The following STX18 variants were observed in gnomAD, a reference collection of about 807,000 sequenced individuals.
STX18 encodes the protein syntaxin-18.
Under a neutral mutation model 50.1 loss-of-function variants are expected in STX18, and 40 were observed. That is an observed-to-expected ratio of 0.80 (90% CI 0.62 to 1.04). The LOEUF is 1.04. STX18 is among the 50% of genes least tolerant of loss of function. The probability of loss-of-function intolerance (pLI) is 0.00; values close to 1 mark genes in which losing one functional copy is unlikely to be tolerated. For synonymous variants in STX18, 158 were observed against 151.8 expected (o/e 1.04, Z -0.30); for missense variants, 410 against 415.8 (o/e 0.99, Z 0.12).
rs772981481 is a variant in STX18 at position 4,457,505 on chromosome 4, A to G, written c.353-5T>C. ...GGGAATGTATCTCCTTGTGAGCTGT[A>G]ACAGAAAAAGACAATGTTCAGGCCT... is the stretch of plus-strand genomic sequence containing the variant. On this transcript the variant is annotated splice_polypyrimidine_tract_variant and splice_region_variant and intron_variant, in intron 3 of 10. Coordinates refer to ENST00000306200, the MANE Select transcript of STX18 (RefSeq NM_016930.4). 6 of 1,613,010 alleles carry G rather than the reference A, an allele frequency of 3.7e-6. No homozygotes were observed. The East Asian group carries it at 1.3e-4, about 36-fold the overall frequency.
chr4:4,523,472 C>T (rs1178387105), intron 1 of STX18, among the ~76,000 whole-genome samples: 1 of 152,180 alleles, frequency 6.6e-6, no homozygotes, highest in Non-Finnish European at 1.5e-5. Context: ...GCCTGGGAAA[C>T]GTGTCCCTTG....
At chr4:4,529,387 A>G (rs1456362088) in intron 1 of STX18, among the ~76,000 whole-genome samples, 1 of 152,220 alleles carries the variant, frequency 6.6e-6, no homozygotes, top group Non-Finnish European at 1.5e-5. Flanking sequence ...CACGGTCACA[A>G]GGTAATTGTT....
chr4:4,484,886 T>C (rs947680326), intron 1 of STX18, among the ~76,000 whole-genome samples: 2 of 152,184 alleles, frequency 1.3e-5, no homozygotes, highest in Non-Finnish European at 2.9e-5. Flanking sequence ...AGACCCAGCA[T>C]GGGCCAGGCA....
intron 1 of STX18, among the ~76,000 whole-genome samples, chr4:4,506,412 C>T (rs879772941): frequency 4.6e-5 from 7 of 152,158 alleles, no homozygotes; most frequent in South Asian, 4.2e-4. Context: ...GGCATTATGC[C>T]GACTAAAAGA....
At chr4:4,438,284 T>C in intron 6 of STX18, 110 bp downstream of exon 6, 1 of 856,084 alleles carries the variant, frequency 1.2e-6, no homozygotes, top group Non-Finnish European at 1.8e-6. Context: ...TTTATGCAAA[T>C]ACAAACACCA....
At chr4:4,444,791 T>A (rs1222998586) in intron 5 of STX18, among the ~76,000 whole-genome samples, 1 of 152,028 alleles carries the variant, frequency 6.6e-6, no homozygotes, top group Non-Finnish European at 1.5e-5. Context: ...GATATACACA[T>A]AAAAAAATGA....
Position 4,419,995 on chromosome 4 carries a change from G to A in STX18, c.*39C>T. On this transcript the variant is annotated 3_prime_UTR_variant, in exon 11 of 11. Coordinates refer to ENST00000306200, the MANE Select transcript of STX18 (RefSeq NM_016930.4). ...ACATGAAAGCACGCAGTCTGTGAGT[G>A]CCCATGAGGACTCTCGTGCTGGGCC... 1.3e-6 allele frequency: 2 copies of A among 1,539,232 alleles called. No homozygotes were observed. Among genetic ancestry groups the A allele is most frequent in the Non-Finnish European group, 1.8e-6 (2 of 1,125,150 alleles).
rs150142371 is a variant in STX18, at chr4:4,487,111, TCAA to T, written c.169-15408_169-15406del. On this transcript the variant is annotated intron_variant, in intron 1 of 10. Coordinates refer to ENST00000306200, the MANE Select transcript of STX18 (RefSeq NM_016930.4). ...AAGTGCCTCTGATTGTAAACACTGT[TCAA>T]CACACACACACACACGAGACACACG... Among the ~76,000 whole-genome samples the T allele has an allele frequency of 3.2e-3, 489 of 152,140 alleles. 1 individual carries two copies. Among genetic ancestry groups the T allele is most frequent in the African/African-American group, 0.011 (454 of 41,456 alleles).
At position 4,541,905 on chromosome 4, in the gene STX18, G is replaced by C. The variant is rs1394594114; in HGVS notation, c.60C>G (p.Asn20Lys). ...RASVKTVKTRNKALGVAVGGG... is the reference protein window; with the variant it reads ...RASVKTVKTRKKALGVAVGGG... ...CGCCCACCGCCACTCCCAGCGCCTT[G>C]TTCCGCGTCTTCACGGTCTTGACGC... is the stretch of plus-strand genomic sequence containing the variant. The change falls in exon 1 of 11, where the codon AAC (asparagine) becomes AAG (lysine). Residue 20 changes from asparagine (N) to lysine (K), a missense_variant. Transcript: ENST00000306200. 3.7e-6 allele frequency: 6 copies of C among 1,610,942 alleles called. No individual in the cohort carries two copies. The highest frequency in any genetic ancestry group is 5.1e-6 in the Non-Finnish European group (6 of 1,179,052).
chr4:4,420,584 G>A lies in STX18; in HGVS notation c.912+280C>T. 2.1e-6 allele frequency: 1 copy of A among 479,960 alleles called. No homozygotes were observed. 29.7% of individuals were successfully genotyped at this position (479,960 alleles called of 1,614,324 possible). A position where few individuals can be genotyped will look rare whatever the true frequency, so the allele number is the denominator to read the frequency against. On this transcript the variant is annotated intron_variant, in intron 10 of 10. Transcript: ENST00000306200. This position sits in a 1 kb window ranked among gnomAD's most constrained non-coding sequence, Gnocchi z 4.3. ...AACGAGCTACCCATGTACATCCCTG[G>A]ACATGAAGAGCTGGCCTGACCCTGC...
intron 5 of STX18, among the ~76,000 whole-genome samples, chr4:4,443,481 T>C (rs1171098309): frequency 6.6e-6 from 1 of 152,172 alleles, no homozygotes; most frequent in Non-Finnish European, 1.5e-5. Context: ...TTCCCTAGGA[T>C]GAGGAACAAC....
chr4:4,423,563 C>G lies in STX18; in HGVS notation c.786G>C (p.Glu262Asp), dbSNP rs112848855. 6.2e-7 allele frequency: 1 copy of G among 1,614,090 alleles called. No individual in the cohort carries two copies. Among genetic ancestry groups the G allele is most frequent in the Admixed American group, 1.7e-5 (1 of 60,006 alleles). ...EVRQIEGRVV[E>D]ISRLQEIFTE... ...TGAATATCTCTTGGAGTCTGGAAAT[C>G]TCAACCACTCTCCCTTCGATTTGCC... The change falls in exon 9 of 11, where the codon GAG becomes GAC. Residue 262 changes from glutamate to aspartate, a missense_variant. Coordinates refer to ENST00000306200, the MANE Select transcript of STX18 (RefSeq NM_016930.4).
chr4:4,510,804 C>T lies in STX18; in HGVS notation c.168+30993G>A, dbSNP rs181740450. 5.9e-5 allele frequency among the ~76,000 whole-genome samples: 9 copies of T among 152,254 alleles called. No individual in the cohort carries two copies. In the East Asian group the frequency reaches 7.7e-4, roughly 13 times the overall value. On this transcript the variant is annotated intron_variant, in intron 1 of 10. Coordinates refer to ENST00000306200, the MANE Select transcript of STX18 (RefSeq NM_016930.4). Reference sequence around the variant, plus strand: ...TAAAGCAAATGTGGCACATATACACCGTGGAATACTATGCAACCATAAAAA... The same window carrying T: ...TAAAGCAAATGTGGCACATATACACTGTGGAATACTATGCAACCATAAAAA...
At chr4:4,443,134 C>T (rs1726209892) in intron 5 of STX18, among the ~76,000 whole-genome samples, 2 of 152,348 alleles carry the variant, frequency 1.3e-5, no homozygotes, top group South Asian at 2.1e-4. Flanking sequence ...TGCAAATTAA[C>T]ATGTATTTAA....
rs376544825 is a variant in STX18, at chr4:4,433,472, A to G, written c.702+1298T>C. Among the ~76,000 whole-genome samples the G allele has an allele frequency of 1.1e-4, 16 of 150,724 alleles. No homozygotes were observed. In the East Asian group the frequency reaches 1.8e-3, roughly 16 times the overall value. ...CTGACCTTCCCTCCACTATTGTCCT[A>G]TGACCCTGCCAAATACCCCTCTGCG... On this transcript the variant is annotated intron_variant, in intron 7 of 10. Transcript: ENST00000306200.
chr4:4,506,912 A>G (rs1729735287), intron 1 of STX18, among the ~76,000 whole-genome samples: 1 of 152,216 alleles, frequency 6.6e-6, no homozygotes, highest in African/African-American at 2.4e-5. Flanking sequence ...GAAACTGGAA[A>G]ATTAAACTGT....
intron 1 of STX18, among the ~76,000 whole-genome samples, chr4:4,539,225 C>G (rs1243989311): frequency 1.3e-5 from 2 of 152,174 alleles, no homozygotes; most frequent in Non-Finnish European, 2.9e-5. Context: ...ACAGCAAATG[C>G]TTCAAGGAAG....
At chr4:4,432,492 G>A (rs1725567043) in intron 7 of STX18, among the ~76,000 whole-genome samples, 3 of 152,216 alleles carry the variant, frequency 2.0e-5, no homozygotes, top group African/African-American at 7.2e-5. Flanking sequence ...AAGGGTAAAG[G>A]AAGGGGAAAC....
chr4:4,470,831 G>A (rs542325232), intron 2 of STX18, among the ~76,000 whole-genome samples: 1 of 152,334 alleles, frequency 6.6e-6, no homozygotes, highest in South Asian at 2.1e-4. Flanking sequence ...TTTGAAATAA[G>A]GCCAGGGGCT....
Sources: allele counts gnomAD v4.1 joint callset (sites outside exome capture counted in the v4.1 genomes callset), GRCh38; gene constraint gnomAD v4.1.1; non-coding constraint Gnocchi (gnomAD v3.1); transcripts MANE v1.5; gene names NCBI Gene and HGNC (gene_info 2026-07-23, HGNC 2026-07-21).